WDR27: variants seen among roughly 807,000 people sequenced by gnomAD.
WDR27 encodes WD repeat-containing protein 27.
Under a neutral mutation model 114.4 loss-of-function variants are expected in WDR27, and 100 were observed. The observed-to-expected ratio is 0.87, with a 90% CI of 0.74 to 1.03. The LOEUF (loss-of-function observed/expected upper bound fraction) is 1.03, where lower values mean the gene tolerates loss of function less well. Ranked by LOEUF, WDR27 falls within the 50% of genes least tolerant of loss-of-function variation. The pLI, the probability that WDR27 is intolerant of heterozygous loss-of-function variation, is 0.00. For missense variants in WDR27, 1,129 were observed against 1,092.9 expected (o/e 1.03, Z -0.47); for synonymous variants, 449 against 423.1 (o/e 1.06, Z -0.75).
intron 25 of WDR27, among the ~76,000 whole-genome samples, chr6:169,549,199 T>C (rs999008551): frequency 1.3e-5 from 2 of 152,034 alleles, no homozygotes; most frequent in African/African-American, 4.8e-5. Flanking sequence ...AATAACCCGA[T>C]AAAAAATTGG....
intron 24 of WDR27, among the ~76,000 whole-genome samples, chr6:169,576,101 C>T (rs538853303): frequency 2.6e-5 from 4 of 152,366 alleles, no homozygotes; most frequent in African/African-American, 9.6e-5. Context: ...ACAGAGACAG[C>T]ACCAGATGAA....
At chr6:169,549,363 T>C (rs1045949470) in intron 25 of WDR27, among the ~76,000 whole-genome samples, 5 of 152,156 alleles carry the variant, frequency 3.3e-5, no homozygotes, top group African/African-American at 2.4e-5. Context: ...GTCCAGAACA[T>C]GGAAAACACC....
intron 25 of WDR27, among the ~76,000 whole-genome samples, chr6:169,507,015 C>T (rs1755833409): frequency 6.6e-6 from 1 of 152,214 alleles, no homozygotes; most frequent in Non-Finnish European, 1.5e-5. Flanking sequence ...CAACACTTGA[C>T]ATTCTAATGG....
intron 25 of WDR27, among the ~76,000 whole-genome samples, chr6:169,548,144 T>C (rs751803310): frequency 3.3e-5 from 5 of 152,102 alleles, no homozygotes; most frequent in Non-Finnish European, 7.4e-5. Flanking sequence ...AAGGTCTATA[T>C]GAGGAAAATG....
intron 21 of WDR27, among the ~76,000 whole-genome samples, chr6:169,614,789 A>G (rs529444784): frequency 6.6e-6 from 1 of 152,344 alleles, no homozygotes; most frequent in East Asian, 1.9e-4. Flanking sequence ...GGTATTCAAC[A>G]AATATTTACA....
intron 25 of WDR27, among the ~76,000 whole-genome samples, chr6:169,502,353 G>A (rs1033548717): frequency 2.0e-5 from 3 of 152,196 alleles, no homozygotes; most frequent in Non-Finnish European, 2.9e-5. Flanking sequence ...TTCCGTACAC[G>A]GACGGTCCCT....
At chr6:169,504,287 C>G (rs1562504724) in intron 25 of WDR27, among the ~76,000 whole-genome samples, 1 of 152,168 alleles carries the variant, frequency 6.6e-6, no homozygotes, top group African/African-American at 2.4e-5. Context: ...TGGTTTGGAT[C>G]TGTGTCCCCA....
chr6:169,477,796 T>C (rs1229704631), intron 25 of WDR27, among the ~76,000 whole-genome samples: 3 of 152,216 alleles, frequency 2.0e-5, no homozygotes, highest in Non-Finnish European at 4.4e-5. Flanking sequence ...ATCCCATATG[T>C]ATTTATTCAA....
chr6:169,482,015 A>T (rs1788224117), intron 25 of WDR27, among the ~76,000 whole-genome samples: 1 of 152,198 alleles, frequency 6.6e-6, no homozygotes, highest in Admixed American at 6.5e-5. Context: ...ATGAGTTCTC[A>T]TCATTTAGCT....
chr6:169,539,895 T>C (rs1049003894), intron 25 of WDR27, among the ~76,000 whole-genome samples: 1 of 152,200 alleles, frequency 6.6e-6, no homozygotes, highest in Non-Finnish European at 1.5e-5. Flanking sequence ...TTAACCTACA[T>C]AGACTCCTCT....
intron 25 of WDR27, among the ~76,000 whole-genome samples, chr6:169,488,704 C>T (rs369401809): frequency 6.6e-6 from 1 of 152,154 alleles, no homozygotes; most frequent in South Asian, 2.1e-4. Context: ...TAAAGGCTAG[C>T]AGGGAGCAAA....
At chr6:169,606,516 A>G (rs1809217254) in intron 22 of WDR27, among the ~76,000 whole-genome samples, 1 of 152,074 alleles carries the variant, frequency 6.6e-6, no homozygotes, top group East Asian at 1.9e-4. Flanking sequence ...CCTTGTGTCC[A>G]TGTGTTCTCA....
rs372432878 is a variant in WDR27, at chr6:169,634,427, C to T, written c.2101+1G>A. 43 of 1,607,850 alleles carry T rather than the reference C, an allele frequency of 2.7e-5. No homozygotes were observed. The highest frequency in any genetic ancestry group is 1.6e-4 in the Middle Eastern group (1 of 6,080). Reference sequence around the variant, plus strand: ...CTACCAGGATCCGGGAGAAAGGATACGGGAATAAAAGTCGTTGACTGCCGA... The same window carrying T: ...CTACCAGGATCCGGGAGAAAGGATATGGGAATAAAAGTCGTTGACTGCCGA... On this transcript the variant is annotated splice_donor_variant, in intron 20 of 25. Transcript: ENST00000448612. LOFTEE classifies it high-confidence loss of function.
intron 7 of WDR27, chr6:169,664,937 C>T (rs1585020897): frequency 1.2e-5 from 1 of 85,536 alleles, no homozygotes; most frequent in African/African-American, 4.5e-5. Flanking sequence ...ACACAGGAGC[C>T]GTCCAGGGCG....
At chr6:169,516,703 C>G (rs746290630) in intron 25 of WDR27, among the ~76,000 whole-genome samples, 1 of 151,166 alleles carries the variant, frequency 6.6e-6, no homozygotes, top group Non-Finnish European at 1.5e-5. Context: ...AACAAAGAAC[C>G]TGAGACGGCT....
chr6:169,596,973 G>A (rs1329070612), intron 23 of WDR27, among the ~76,000 whole-genome samples: 3 of 152,034 alleles, frequency 2.0e-5, no homozygotes, highest in East Asian at 1.9e-4. Context: ...TTGAAACTAC[G>A]TTATTGGGTG....
In WDR27 at chr6:169,500,401, A is replaced by G. The variant is rs149441508; in HGVS notation, c.2646-42767T>C. Among the ~76,000 whole-genome samples the G allele has an allele frequency of 1.1e-4, 17 of 151,568 alleles. 1 individual carries two copies. The East Asian group carries it at 2.5e-3, about 23-fold the overall frequency. ...ACAAATGCTTAGCTGCTGCTGAACT[A>G]ATGCTTAGTAGCTGCTGAAAATCCA... On this transcript the variant is annotated intron_variant, in intron 25 of 25. Coordinates refer to ENST00000448612, the MANE Select transcript of WDR27 (RefSeq NM_182552.5).
chr6:169,672,512 T>C, intron 2 of WDR27, 116 bp from the exon 3 acceptor site: 1 of 1,059,470 alleles, frequency 9.4e-7, no homozygotes, highest in Non-Finnish European at 1.3e-6. Context: ...ACATTTATCT[T>C]ACATATTCAT....
chr6:169,656,902 A>G (rs891695561), intron 13 of WDR27, among the ~76,000 whole-genome samples: 4 of 151,972 alleles, frequency 2.6e-5, no homozygotes, highest in African/African-American at 7.3e-5. Flanking sequence ...GTCAGAGGCC[A>G]CTCCCAGCCG....
Sources: allele counts gnomAD v4.1 joint callset (sites outside exome capture counted in the v4.1 genomes callset), GRCh38; gene constraint gnomAD v4.1.1; transcripts MANE v1.5; gene names NCBI Gene and HGNC (gene_info 2026-07-23, HGNC 2026-07-21).